Variants in UBE3B observed in about 807,000 individuals in gnomAD.
The protein encoded by UBE3B is ubiquitin-protein ligase E3B.
UBE3B carries 80 observed loss-of-function variants against 132.3 expected under a neutral mutation model. The ratio of observed to expected loss-of-function variants is 0.60; its 90% CI spans 0.50 to 0.73. The LOEUF (loss-of-function observed/expected upper bound fraction) is 0.73. UBE3B is among the 30% of genes least tolerant of loss of function. The pLI, the probability that UBE3B is intolerant of heterozygous loss-of-function variation, is 0.00. For synonymous variants in UBE3B, 487 were observed against 520.4 expected, an observed-to-expected ratio of 0.94 and a Z score of 0.87; for missense variants, 1,196 against 1,362.5, an observed-to-expected ratio of 0.88 and a Z score of 1.92.
intron 9 of UBE3B, among the ~76,000 whole-genome samples, chr12:109,494,064 G>A (rs184991828): frequency 2.0e-5 from 3 of 152,156 alleles, no homozygotes; most frequent in Non-Finnish European, 2.9e-5. Context: ...GGCCTCAAGC[G>A]ATCCTCATGC....
intron 24 of UBE3B, 151 bp from the exon 25 acceptor site, chr12:109,529,739 C>A: frequency 1.1e-6 from 1 of 870,176 alleles, no homozygotes; most frequent in Non-Finnish European, 1.8e-6. Context: ...TCGTCATTGT[C>A]GCCATTGTCA....
In UBE3B at chr12:109,490,012, A is replaced by G. The variant is rs1158857484; in HGVS notation, c.630+8A>G. On this transcript the variant is annotated splice_region_variant and intron_variant, in intron 8 of 27. Transcript: ENST00000342494. ...TTTTATTCTGTGCTGCAGGTCTGTG[A>G]CTCCTGCCCCCCAGTGTGCAACTTC... 6.2e-7 allele frequency: 1 copy of G among 1,613,630 alleles called. No individual in the cohort carries two copies. The highest frequency in any genetic ancestry group is 8.5e-7 in the Non-Finnish European group (1 of 1,179,824).
chr12:109,490,666 G>T, intron 8 of UBE3B: 1 of 1,497,752 alleles, frequency 6.7e-7, no homozygotes, highest in Non-Finnish European at 8.8e-7. Flanking sequence ...TTTAAGTCTG[G>T]CATTATTTGT....
intron 21 of UBE3B, 95 bp from the exon 22 acceptor site, chr12:109,523,883 C>T: frequency 6.5e-7 from 1 of 1,534,358 alleles, no homozygotes; most frequent in Non-Finnish European, 8.8e-7. Context: ...ATGCCGATGG[C>T]ACCCCTGGGC....
chr12:109,503,043 C>G lies in UBE3B; in HGVS notation c.1303C>G (p.Gln435Glu). 1 of 1,614,158 alleles carries G rather than the reference C, an allele frequency of 6.2e-7. No individual in the cohort carries two copies. Among genetic ancestry groups the G allele is most frequent in the African/African-American group, 1.3e-5 (1 of 75,020 alleles). The change falls in exon 14 of 28, where the codon CAA becomes GAA. Residue 435 changes from glutamine (Q) to glutamate (E), a missense_variant. Physicochemically the swap from Gln to Glu is conservative, Grantham distance 29. Transcript: ENST00000342494. Reference sequence around the variant, plus strand: ...GCCAGGTCTCCTAAAGCGTGCTTTTCAAAAGTCGGCATCAGTCCGGAATAT... The same window carrying G: ...GCCAGGTCTCCTAAAGCGTGCTTTTGAAAAGTCGGCATCAGTCCGGAATAT... Reference protein sequence around the residue: ...PVKSLLKRAFQKSASVRNILR... With the variant: ...PVKSLLKRAFEKSASVRNILR...
chr12:109,507,767 T>C, intron 15 of UBE3B, 32 bp downstream of exon 15: 2 of 1,597,324 alleles, frequency 1.3e-6, no homozygotes, highest in Non-Finnish European at 1.7e-6. Flanking sequence ...TGAATTCCTT[T>C]CCTAGAATAT....
the UBE3B span, among the ~76,000 whole-genome samples, chr12:109,547,444 C>T: frequency 1.3e-5 from 2 of 152,256 alleles, no homozygotes; most frequent in Non-Finnish European, 2.9e-5. The surrounding 1 kb of genome is among the most constrained non-coding windows in gnomAD (Gnocchi z 4.1). Context: ...GGTGCATGTG[C>T]GCGTACGCGC....
intron 9 of UBE3B, among the ~76,000 whole-genome samples, chr12:109,495,119 T>G (rs1878008019): frequency 1.3e-5 from 2 of 152,238 alleles, no homozygotes; most frequent in African/African-American, 4.8e-5. Context: ...AGAGGTTAGC[T>G]CAGTTGGTTA....
chr12:109,513,008 C>T (rs1880565441), intron 18 of UBE3B, among the ~76,000 whole-genome samples: 2 of 152,258 alleles, frequency 1.3e-5, no homozygotes, highest in South Asian at 4.1e-4. Flanking sequence ...CCTTGAACAA[C>T]CCCTAAAAGT....
intron 14 of UBE3B, 83 bp downstream of exon 14, chr12:109,503,273 C>A: frequency 6.5e-7 from 1 of 1,530,608 alleles, no homozygotes; most frequent in Non-Finnish European, 8.8e-7. Flanking sequence ...TTTTTTCTGG[C>A]TTCTTTGACT....
At chr12:109,514,975 G>A (rs1476795716) in intron 18 of UBE3B, among the ~76,000 whole-genome samples, 1 of 149,836 alleles carries the variant, frequency 6.7e-6, no homozygotes, top group African/African-American at 2.5e-5. Context: ...GTGCAGTGGC[G>A]CGATCTCAGC....
At chr12:109,524,888 C>A (rs1882146457) in intron 23 of UBE3B, among the ~76,000 whole-genome samples, 1 of 151,842 alleles carries the variant, frequency 6.6e-6, no homozygotes, top group Non-Finnish European at 1.5e-5. Context: ...CTTGTTCATT[C>A]TCAGCATACA....
At chr12:109,518,294 G>GA (rs1373813196) in intron 19 of UBE3B, among the ~76,000 whole-genome samples, 1 of 152,150 alleles carries the variant, frequency 6.6e-6, no homozygotes, top group Admixed American at 6.5e-5. Context: ...AGAGGCCACC[G>GA]CCACTCAGCT....
chr12:109,543,726 T>C, the UBE3B span, among the ~76,000 whole-genome samples: 18 of 152,048 alleles, frequency 1.2e-4, no homozygotes, highest in Admixed American at 5.2e-4. Context: ...TCAGCTACTC[T>C]GGAGGCTGAG....
intron 2 of UBE3B, among the ~76,000 whole-genome samples, chr12:109,482,059 A>G (rs1875550711): frequency 6.6e-6 from 1 of 152,104 alleles, no homozygotes; most frequent in African/African-American, 2.4e-5. Context: ...ATAAAAGGGT[A>G]TTATTTTATT....
chr12:109,495,460 C>T (rs1342073158), intron 9 of UBE3B, among the ~76,000 whole-genome samples: 1 of 152,184 alleles, frequency 6.6e-6, no homozygotes, highest in Non-Finnish European at 1.5e-5. Context: ...AGTATGTTCA[C>T]AGAGTTGTGC....
chr12:109,534,640 G>T lies in UBE3B; in HGVS notation c.3065G>T (p.Arg1022Leu). 1.9e-6 allele frequency: 3 copies of T among 1,611,720 alleles called. No homozygotes were observed. The highest frequency in any genetic ancestry group is 1.1e-5 in the South Asian group (1 of 90,774). Reference sequence around the variant, plus strand: ...GTCCTCCGGGGCTTCTTCACCATCCGCAAGCGGGAGCCAGGCGGCCGCCTG... The same window carrying T: ...GTCCTCCGGGGCTTCTTCACCATCCTCAAGCGGGAGCCAGGCGGCCGCCTG... ...GSVLRGFFTI[R>L]KREPGGRLPT... The change falls in exon 28 of 28, where the codon CGC (arginine) becomes CTC (leucine). Residue 1022 changes from arginine to leucine, a missense_variant. Transcript: ENST00000342494. The surrounding 1 kb of genome is among the most constrained non-coding windows in gnomAD (Gnocchi z 5.2).
chr12:109,478,773 T>C (rs1329091474), intron 1 of UBE3B, among the ~76,000 whole-genome samples: 3 of 152,186 alleles, frequency 2.0e-5, no homozygotes, highest in African/African-American at 7.2e-5. Context: ...AAAGTGAGAC[T>C]CCGTCTCAAA....
At chr12:109,490,850 C>T (rs1263785515) in intron 8 of UBE3B, 195 bp from the exon 9 acceptor site, 4 of 1,149,754 alleles carry the variant, frequency 3.5e-6, no homozygotes, top group South Asian at 3.8e-5. Context: ...GACAGGGTTG[C>T]CCTGTCACCC....
Sources: allele counts gnomAD v4.1 joint callset (sites outside exome capture counted in the v4.1 genomes callset), GRCh38; gene constraint gnomAD v4.1.1; non-coding constraint Gnocchi (gnomAD v3.1); transcripts MANE v1.5; gene names NCBI Gene and HGNC (gene_info 2026-07-23, HGNC 2026-07-21).